Variants in NOXRED1 observed in about 807,000 individuals in gnomAD.
NOXRED1 encodes NADP-dependent oxidoreductase domain-containing protein 1.
In NOXRED1, 20 loss-of-function variants were observed where a neutral mutation model predicts 30.4. The ratio of observed to expected loss-of-function variants is 0.66; its 90% CI spans 0.46 to 0.96. The LOEUF is 0.96. NOXRED1 is among the 40% of genes least tolerant of loss of function. The pLI, the probability that NOXRED1 is intolerant of heterozygous loss-of-function variation, is 0.00. For missense variants in NOXRED1, 374 were observed against 428.0 expected (o/e 0.87, Z 1.11); for synonymous variants, 155 against 168.0 (o/e 0.92, Z 0.60).
chr14:77,417,440 C>T (rs904150778), intron 1 of NOXRED1, among the ~76,000 whole-genome samples: 2 of 152,184 alleles, frequency 1.3e-5, no homozygotes, highest in East Asian at 1.9e-4. Context: ...CAATATTTGC[C>T]TCATATATGT....
At chr14:77,397,949 A>G (rs1347743106) in intron 5 of NOXRED1, among the ~76,000 whole-genome samples, 1 of 151,920 alleles carries the variant, frequency 6.6e-6, no homozygotes, top group South Asian at 2.1e-4. Context: ...AGAAGTTGCC[A>G]CTCTATCCTA....
Position 77,405,975 on chromosome 14 carries a change from G to A in NOXRED1, c.843C>T (p.Cys281=). 6.2e-7 allele frequency: 1 copy of A among 1,613,770 alleles called. No homozygotes were observed. Among genetic ancestry groups the A allele is most frequent in the African/African-American group, 1.3e-5 (1 of 75,032 alleles). ...FEDCGKDTAS[C]PKLQLTDFVS... ...CAAAATCTGTTAATTGCAACTTTGGGCAAGATGCTGTGTCTTTCCCACAGT... is the reference window on the plus strand; with the variant it reads ...CAAAATCTGTTAATTGCAACTTTGGACAAGATGCTGTGTCTTTCCCACAGT... The change falls in exon 5 of 6, where the codon TGC becomes TGT. Residue 281 remains cysteine (C), a synonymous_variant. Coordinates refer to ENST00000380835, the MANE Select transcript of NOXRED1 (RefSeq NM_001113475.3).
chr14:77,402,351 C>T (rs1946317520), intron 5 of NOXRED1, among the ~76,000 whole-genome samples: 1 of 152,190 alleles, frequency 6.6e-6, no homozygotes, highest in Non-Finnish European at 1.5e-5. Flanking sequence ...AGGAGCCGGG[C>T]GCCATGGCTC....
At chr14:77,417,388 G>A (rs1432433918) in intron 1 of NOXRED1, among the ~76,000 whole-genome samples, 3 of 152,098 alleles carry the variant, frequency 2.0e-5, no homozygotes, top group Admixed American at 2.0e-4. Context: ...TGAAAGTTGG[G>A]TATTAAAATC....
intron 2 of NOXRED1, among the ~76,000 whole-genome samples, chr14:77,412,880 CTG>C (rs1766816626): frequency 6.6e-6 from 1 of 151,474 alleles, no homozygotes; most frequent in Non-Finnish European, 1.5e-5. Flanking sequence ...ATACAAACAA[CTG>C]TATACAGTGT....
chr14:77,418,674 T>C (rs1181448552), intron 1 of NOXRED1, among the ~76,000 whole-genome samples: 2 of 151,876 alleles, frequency 1.3e-5, no homozygotes, highest in African/African-American at 4.8e-5. Flanking sequence ...AGACCACAGG[T>C]GTGTACCACT....
intron 2 of NOXRED1, among the ~76,000 whole-genome samples, chr14:77,408,892 A>ATTTTTTTTTTTTTTTTTTT (rs1177680524): frequency 0.011 from 726 of 68,170 alleles, 210 homozygotes; most frequent in Non-Finnish European, 0.012. Flanking sequence ...CTGGTAGTTA[A>ATTTTTTTTTTTTTTTTTTT]TTTTTTTTTT....
rs1894734816 is a variant in NOXRED1, at chr14:77,413,953, A to G, written c.330T>C (p.Thr110=). The G allele has an allele frequency of 6.3e-7, 1 of 1,593,668 alleles. No individual in the cohort carries two copies. ...CCTCACCCAGAGTCTCTGGCCTCCG[A>G]GTGGAGATCCGCAGGCTTTCAGCAG... ...PIPAESLRIS[T]RRPETLGELQ... is the part of the protein sequence containing the mutation. Residue 110 remains threonine (T), a synonymous_variant, in exon 2 of 6, where the codon ACT becomes ACC. Coordinates refer to ENST00000380835, the MANE Select transcript of NOXRED1 (RefSeq NM_001113475.3).
intron 2 of NOXRED1, among the ~76,000 whole-genome samples, chr14:77,413,437 C>G (rs1204211368): frequency 6.6e-6 from 1 of 152,080 alleles, no homozygotes; most frequent in African/African-American, 2.4e-5. Context: ...CAGGGTTTCA[C>G]TATGTTGGCC....
At chr14:77,400,398 C>T (rs2048627778) in intron 5 of NOXRED1, among the ~76,000 whole-genome samples, 1 of 152,190 alleles carries the variant, frequency 6.6e-6, no homozygotes, top group African/African-American at 2.4e-5. Flanking sequence ...GTTTATTTTG[C>T]CGAGGTTGTG....
upstream of NOXRED1, chr14:77,423,618 C>G (rs979777857): frequency 1.3e-5 from 2 of 152,226 alleles, no homozygotes; most frequent in Non-Finnish European, 2.9e-5. Context: ...GCCAGCCCCA[C>G]TTAGAGGTTT....
At position 77,406,112 on chromosome 14, in the gene NOXRED1, A is replaced by G; in HGVS notation, c.706T>C (p.Trp236Arg). The change falls in exon 5 of 6, where the codon TGG (tryptophan) becomes CGG (arginine). Residue 236 changes from tryptophan to arginine, a missense_variant. Physicochemically the swap from Trp to Arg is moderately radical, Grantham distance 101. Coordinates refer to ENST00000380835, the MANE Select transcript of NOXRED1 (RefSeq NM_001113475.3). ...GCCGCATAGAACACTCCCTCCAACC[A>G]CTTGATATTGAGGATTATTCCCCCT... ...PAGGIILNIK[W>R]LEGVFYAALN... 6.2e-7 allele frequency: 1 copy of G among 1,612,880 alleles called. No homozygotes were observed. Among genetic ancestry groups the G allele is most frequent in the Non-Finnish European group, 8.5e-7 (1 of 1,179,080 alleles).
chr14:77,417,858 C>T (rs1274597633), intron 1 of NOXRED1, among the ~76,000 whole-genome samples: 2 of 149,154 alleles, frequency 1.3e-5, no homozygotes, highest in African/African-American at 4.9e-5. Flanking sequence ...TTCTTCTTTT[C>T]CTCTCTTGCT....
In NOXRED1 at chr14:77,423,164, A is replaced by T. The variant is rs896231205; in HGVS notation, c.-275T>A. The T allele has an allele frequency of 1.7e-5, 6 of 360,936 alleles. No individual in the cohort carries two copies. The highest frequency in any genetic ancestry group is 1.3e-4 in the African/African-American group (6 of 47,200). The allele number at this position is 360,936 out of a possible 1,614,324, so 22.4% of individuals were successfully genotyped here. A position where few individuals can be genotyped will look rare whatever the true frequency, so the allele number is the denominator to read the frequency against. Reference sequence around the variant, plus strand: ...TCATGAAAAACCTGTACAGAAACCCAAAGTATTGTTTCTCCACACAGGTTA... The same window carrying T: ...TCATGAAAAACCTGTACAGAAACCCTAAGTATTGTTTCTCCACACAGGTTA... On this transcript the variant is annotated 5_prime_UTR_variant, in exon 1 of 6. Coordinates refer to ENST00000380835, the MANE Select transcript of NOXRED1 (RefSeq NM_001113475.3).
chr14:77,399,216 G>A (rs994948829), intron 5 of NOXRED1, among the ~76,000 whole-genome samples: 4 of 152,122 alleles, frequency 2.6e-5, no homozygotes, highest in East Asian at 3.9e-4. Context: ...CCAGCAATCT[G>A]GGAGGCCGAG....
At chr14:77,425,376 ATAGATTAGAT>A (rs150577998), upstream of NOXRED1, among the ~76,000 whole-genome samples, 1 of 152,284 alleles carries the variant, frequency 6.6e-6, no homozygotes, top group Non-Finnish European at 1.5e-5. Context: ...AACAGCAGAT[ATAGATTAGAT>A]TAGATTAGAT....
At chr14:77,397,597 A>T (rs1468869673) in intron 5 of NOXRED1, among the ~76,000 whole-genome samples, 2 of 152,156 alleles carry the variant, frequency 1.3e-5, no homozygotes, top group Admixed American at 1.3e-4. Flanking sequence ...AAAGAAAAAA[A>T]TTATCTTGGC....
At chr14:77,403,054 A>G (rs1351209318) in intron 5 of NOXRED1, among the ~76,000 whole-genome samples, 1 of 152,154 alleles carries the variant, frequency 6.6e-6, no homozygotes, top group Non-Finnish European at 1.5e-5. Flanking sequence ...AAAAGAATAC[A>G]AGGAAAATTT....
At chr14:77,424,267 G>A (rs866124647), upstream of NOXRED1, among the ~76,000 whole-genome samples, 9 of 152,072 alleles carry the variant, frequency 5.9e-5, no homozygotes, top group Non-Finnish European at 8.8e-5. Flanking sequence ...TGACTAACAC[G>A]GTGAAACCCC....
Sources: allele counts gnomAD v4.1 joint callset (sites outside exome capture counted in the v4.1 genomes callset), GRCh38; gene constraint gnomAD v4.1.1; transcripts MANE v1.5; gene names NCBI Gene and HGNC (gene_info 2026-07-23, HGNC 2026-07-21).